Variants in ITPKB observed in about 807,000 individuals in gnomAD.
ITPKB encodes IP3 3-kinase B.
In ITPKB, 13 loss-of-function variants were observed where a neutral mutation model predicts 69.4. That is an observed-to-expected ratio of 0.19 (90% CI 0.12 to 0.30). The LOEUF (loss-of-function observed/expected upper bound fraction) is 0.30, where lower values mean the gene tolerates loss of function less well. Among genes scored for constraint, ITPKB ranks in the 10% least tolerant of loss-of-function variants. ITPKB has a pLI of 1.00. For missense variants in ITPKB, 1,240 were observed against 1,250.5 expected (o/e 0.99, Z 0.13); for synonymous variants, 584 against 513.7 (o/e 1.14, Z -1.85).
At chr1:226,711,692 C>T (rs1480160992) in intron 2 of ITPKB, among the ~76,000 whole-genome samples, 1 of 152,188 alleles carries the variant, frequency 6.6e-6, no homozygotes, top group African/African-American at 2.4e-5. Context: ...ATGACGAGTG[C>T]TGAACAGAAG....
In ITPKB at chr1:226,735,895, G is replaced by A. The variant is rs775979938; in HGVS notation, c.1564C>T (p.Arg522Cys). 16 of 1,612,608 alleles carry A rather than the reference G, an allele frequency of 9.9e-6. No individual in the cohort carries two copies. The highest frequency in any genetic ancestry group is 6.7e-5 in the African/African-American group (5 of 75,006). ...CCCTCTGATTGCACCCCTGTGCCAC[G>A]CGTCCAAGCCAAACCGGCTTTCTCC... ...TMEKAGLAWT[R>C]GTGVQSEGTW... The change falls in exon 2 of 8, where the codon CGT becomes TGT. Residue 522 changes from arginine to cysteine, a missense_variant. By Grantham distance (180) the Arg-to-Cys change is radical. This residue lies in a region of ITPKB where 992 missense variants were observed against 853.8 expected (regional missense o/e 1.16). Transcript: ENST00000429204.
In ITPKB at chr1:226,735,970, C is replaced by T. The variant is rs776068073; in HGVS notation, c.1489G>A (p.Asp497Asn). The T allele has an allele frequency of 4.3e-6, 7 of 1,614,012 alleles. No individual in the cohort carries two copies. The East Asian group carries it at 6.7e-5, about 15-fold the overall frequency. ...TTCCCAGGCTGCACACCCACCCTGT[C>T]CCCAGGAGGGCACTGAGGTTCTTTC... is the stretch of plus-strand genomic sequence containing the variant. ...DLKEPQCPPG[D>N]RVGVQPGNSR... Residue 497 changes from aspartate to asparagine, a missense_variant, in exon 2 of 8, where the codon GAC (aspartate) becomes AAC (asparagine). Asp to Asn is a conservative substitution (Grantham distance 23, BLOSUM62 1). Around this residue, in one of 2 missense-constraint regions of ITPKB, gnomAD observed 992 missense variants for 853.8 expected, o/e 1.16. Transcript: ENST00000429204.
intron 2 of ITPKB, among the ~76,000 whole-genome samples, chr1:226,729,981 G>A (rs929014052): frequency 2.0e-5 from 3 of 152,150 alleles, no homozygotes; most frequent in African/African-American, 7.2e-5. Context: ...CAACCAAGGA[G>A]ACTTGAACTG....
At chr1:226,689,551 T>C (rs1041523823) in intron 2 of ITPKB, among the ~76,000 whole-genome samples, 5 of 151,104 alleles carry the variant, frequency 3.3e-5, no homozygotes, top group African/African-American at 1.2e-4. Context: ...GTTTTTTTCC[T>C]TTGTCGGAAG....
In ITPKB at chr1:226,709,800, G is replaced by A. The variant is rs2102636004; in HGVS notation, c.1932+25727C>T. Among the ~76,000 whole-genome samples the A allele has an allele frequency of 1.3e-5, 2 of 152,280 alleles. 1 individual carries two copies. Reference sequence around the variant, plus strand: ...ATTCTCTCTTGGGCCATGTCTTACGGCATGATACTCCTGCCCAAGGACAGT... The same window carrying A: ...ATTCTCTCTTGGGCCATGTCTTACGACATGATACTCCTGCCCAAGGACAGT... On this transcript the variant is annotated intron_variant, in intron 2 of 7. Coordinates refer to ENST00000429204, the MANE Select transcript of ITPKB (RefSeq NM_002221.4).
intron 2 of ITPKB, among the ~76,000 whole-genome samples, chr1:226,679,611 G>A (rs371912136): frequency 1.3e-5 from 2 of 152,154 alleles, no homozygotes; most frequent in Non-Finnish European, 1.5e-5. Flanking sequence ...GAAGAAAGAC[G>A]ATAAAAGAAG....
intron 2 of ITPKB, among the ~76,000 whole-genome samples, chr1:226,655,673 C>T (rs1034889808): frequency 2.0e-5 from 3 of 152,370 alleles, no homozygotes; most frequent in Middle Eastern, 6.8e-3. Context: ...CAGCCTTCTC[C>T]GCAGGAGGCC....
intron 2 of ITPKB, chr1:226,656,618 C>T (rs1425296656): frequency 6.6e-6 from 1 of 152,254 alleles, no homozygotes; most frequent in Non-Finnish European, 1.5e-5. Flanking sequence ...AAATTAAGGG[C>T]TGAAGCAACA....
chr1:226,649,372 G>A (rs1393244899), intron 2 of ITPKB, among the ~76,000 whole-genome samples: 2 of 138,196 alleles, frequency 1.4e-5, no homozygotes, highest in Non-Finnish European at 3.1e-5. Flanking sequence ...ATGTGTGCAT[G>A]TGATTGTGTG....
intron 2 of ITPKB, among the ~76,000 whole-genome samples, chr1:226,689,565 T>TG (rs1375416337): frequency 3.0e-5 from 4 of 131,266 alleles, no homozygotes; most frequent in African/African-American, 1.2e-4. Flanking sequence ...TCGGAAGGTT[T>TG]TATTTGTGTG....
At chr1:226,681,999 A>C (rs533414746) in intron 2 of ITPKB, among the ~76,000 whole-genome samples, 34 of 152,362 alleles carry the variant, frequency 2.2e-4, no homozygotes, top group African/African-American at 7.5e-4. Flanking sequence ...GCCTGGCTGA[A>C]GAATTTCTCA....
chr1:226,692,045 G>A (rs559384956), intron 2 of ITPKB, among the ~76,000 whole-genome samples: 17 of 152,280 alleles, frequency 1.1e-4, no homozygotes, highest in African/African-American at 2.9e-4. Context: ...AAGATAAAAC[G>A]CCTGGGAGGG....
At chr1:226,678,685 A>G (rs1655982527) in intron 2 of ITPKB, among the ~76,000 whole-genome samples, 2 of 152,250 alleles carry the variant, frequency 1.3e-5, no homozygotes, top group South Asian at 2.1e-4. Context: ...AGTCCTGGCC[A>G]GAGAGAAAAA....
At chr1:226,713,065 C>T (rs1010723076) in intron 2 of ITPKB, among the ~76,000 whole-genome samples, 1 of 151,978 alleles carries the variant, frequency 6.6e-6, no homozygotes, top group African/African-American at 2.4e-5. Context: ...CATGCATGCA[C>T]ACACACATAC....
At chr1:226,704,719 G>GTT (rs1571866412) in intron 2 of ITPKB, among the ~76,000 whole-genome samples, 1 of 152,320 alleles carries the variant, frequency 6.6e-6, no homozygotes. Context: ...TAAACAGTAA[G>GTT]TAATGGACGT....
intron 1 of ITPKB, among the ~76,000 whole-genome samples, 188 bp from the exon 2 acceptor site, chr1:226,737,851 G>A (rs1038493690): frequency 6.6e-5 from 10 of 152,126 alleles, no homozygotes; most frequent in African/African-American, 1.2e-4. Flanking sequence ...TCGCCAGCGC[G>A]GTTTCGGGTG....
intron 4 of ITPKB, among the ~76,000 whole-genome samples, chr1:226,645,657 C>T (rs1447122655): frequency 6.6e-6 from 1 of 152,182 alleles, no homozygotes; most frequent in African/African-American, 2.4e-5. Context: ...AGGGCTGGGC[C>T]TCCCCTGAGA....
At chr1:226,661,564 C>T (rs1669402582) in intron 2 of ITPKB, among the ~76,000 whole-genome samples, 1 of 152,236 alleles carries the variant, frequency 6.6e-6, no homozygotes, top group South Asian at 2.1e-4. Flanking sequence ...GATTTAGATC[C>T]TGCCACTCCT....
At position 226,736,399 on chromosome 1, in the gene ITPKB, TCTCACTGCCCAGAAACTGCCCCTGC is replaced by T. The variant is rs1030383509; in HGVS notation, c.1035_1059del (p.Gly347AlafsTer44). 2 of 1,612,398 alleles carry T rather than the reference TCTCACTGCCCAGAAACTGCCCCTGC, an allele frequency of 1.2e-6. No individual in the cohort carries two copies. The highest frequency in any genetic ancestry group is 1.7e-6 in the Non-Finnish European group (2 of 1,179,990). ...CCGCCCCTTTCTGGGGCTGGGCTTG[TCTCACTGCCCAGAAACTGCCCCTGC>T]CTCTCCACCAGGGCCTCTGGGGGCT... On this transcript the variant is annotated frameshift_variant, in exon 2 of 8. Transcript: ENST00000429204. LOFTEE classifies it high-confidence loss of function.
Sources: gnomAD v4.1 joint callset for allele counts (sites outside exome capture counted in the v4.1 genomes callset) on GRCh38, gnomAD v4.1.1 for gene constraint, gnomAD v4.1.1 regional missense constraint, MANE v1.5 for transcripts, NCBI Gene and HGNC (gene_info 2026-07-23, HGNC 2026-07-21) for gene names.